EYS: variants seen among roughly 807,000 people sequenced by gnomAD.
EYS encodes the protein EGF-like photoreceptor maintenance factor, also known as protein eyes shut homolog.
A neutral mutation model predicts 282.1 loss-of-function variants in EYS; 250 were observed. That is an observed-to-expected ratio of 0.89 (90% CI 0.80 to 0.98). EYS has a LOEUF of 0.98. Among genes scored for constraint, EYS ranks in the 50% least tolerant of loss-of-function variants. EYS has a pLI of 0.00. For synonymous variants in EYS, 1,355 were observed against 1,282.9 expected, an observed-to-expected ratio of 1.06 and a Z score of -1.20; for missense variants, 4,016 against 3,709.0, an observed-to-expected ratio of 1.08 and a Z score of -2.15.
At chr6:64,356,363 C>G (rs900209173) in intron 29 of EYS, among the ~76,000 whole-genome samples, 9 of 151,482 alleles carry the variant, frequency 5.9e-5, no homozygotes, top group African/African-American at 1.9e-4. Flanking sequence ...GCTATTTACT[C>G]TAGTAATTTA....
rs192570534 is a variant in EYS, at chr6:65,253,015, A to C, written c.2023+42848T>G. 2.3e-3 allele frequency among the ~76,000 whole-genome samples: 349 copies of C among 152,108 alleles called. 3 individuals are homozygous for C. The highest frequency in any genetic ancestry group is 8.1e-3 in the African/African-American group (336 of 41,550). ...CTGTACCAAGAAAAGAGATGAAAGAATGCAGTACTGAAACAAACAAAACAA... is the reference window on the plus strand; with the variant it reads ...CTGTACCAAGAAAAGAGATGAAAGACTGCAGTACTGAAACAAACAAAACAA... On this transcript the variant is annotated intron_variant, in intron 12 of 42. Coordinates refer to ENST00000503581, the MANE Select transcript of EYS (RefSeq NM_001142800.2).
At chr6:65,629,714 G>A (rs921783658) in intron 2 of EYS, among the ~76,000 whole-genome samples, 1 of 152,048 alleles carries the variant, frequency 6.6e-6, no homozygotes, top group African/African-American at 2.4e-5. Context: ...CTGTCTCTTT[G>A]TTTGGCGGCC....
intron 26 of EYS, among the ~76,000 whole-genome samples, chr6:64,571,228 A>T (rs1412147485): frequency 6.6e-6 from 1 of 152,220 alleles, no homozygotes; most frequent in Non-Finnish European, 1.5e-5. Flanking sequence ...GTTATTTGAA[A>T]CCAATGAGAA....
chr6:65,391,652 C>A (rs62407666), intron 7 of EYS, among the ~76,000 whole-genome samples: 1 of 151,724 alleles, frequency 6.6e-6, no homozygotes, highest in Admixed American at 6.6e-5. Context: ...TACAAACCAC[C>A]GCTCAAGGAA....
intron 7 of EYS, among the ~76,000 whole-genome samples, chr6:65,395,675 T>C (rs545364820): frequency 1.1e-3 from 172 of 152,296 alleles, no homozygotes; most frequent in African/African-American, 4.0e-3. Flanking sequence ...TAAATACTGT[T>C]TGTACATATT....
chr6:64,518,786 C>CT (rs1554169758), intron 26 of EYS, among the ~76,000 whole-genome samples: 1 of 150,520 alleles, frequency 6.6e-6, no homozygotes, highest in African/African-American at 2.4e-5. Flanking sequence ...AGGGGCCCCC[C>CT]CCTTCTCAGG....
chr6:64,111,487 T>A (rs1773202647), intron 31 of EYS, among the ~76,000 whole-genome samples: 1 of 152,034 alleles, frequency 6.6e-6, no homozygotes, highest in Admixed American at 6.6e-5. Flanking sequence ...AAAGTTGCCA[T>A]CTGAGGGCAA....
intron 11 of EYS, among the ~76,000 whole-genome samples, chr6:65,320,413 C>T (rs527285644): frequency 1.1e-4 from 16 of 152,248 alleles, no homozygotes; most frequent in Non-Finnish European, 1.9e-4. Flanking sequence ...GGAATCCAGA[C>T]GGATAATGGA....
intron 22 of EYS, among the ~76,000 whole-genome samples, chr6:64,796,188 C>A (rs186437069): frequency 2.0e-5 from 3 of 152,258 alleles, no homozygotes; most frequent in Admixed American, 1.3e-4. Context: ...TTCATGTTTG[C>A]CCAATCATAG....
intron 12 of EYS, among the ~76,000 whole-genome samples, chr6:65,208,805 GA>G (rs1178427856): frequency 7.1e-6 from 1 of 140,912 alleles, no homozygotes; most frequent in Non-Finnish European, 1.6e-5. Context: ...GATATGGTTG[GA>G]GGGGATTGAT....
intron 8 of EYS, among the ~76,000 whole-genome samples, chr6:65,357,829 A>T (rs948895361): frequency 6.6e-6 from 1 of 151,998 alleles, no homozygotes; most frequent in Admixed American, 6.6e-5. Context: ...TGAAATGGCG[A>T]CTAATGTAAT....
intron 13 of EYS, among the ~76,000 whole-genome samples, chr6:65,040,691 G>C (rs1369127107): frequency 6.6e-6 from 1 of 151,536 alleles, no homozygotes; most frequent in Non-Finnish European, 1.5e-5. Flanking sequence ...ATGTCTCCTG[G>C]AAAGGCAAAG....
intron 22 of EYS, among the ~76,000 whole-genome samples, chr6:64,666,437 T>C (rs1477484803): frequency 2.6e-5 from 4 of 152,208 alleles, no homozygotes; most frequent in Non-Finnish European, 5.9e-5. Flanking sequence ...ATGCAATAAA[T>C]CAATCTCTCC....
intron 2 of EYS, among the ~76,000 whole-genome samples, chr6:65,625,441 AC>A (rs1766657202): frequency 6.6e-6 from 1 of 152,230 alleles, no homozygotes; most frequent in Non-Finnish European, 1.5e-5. Context: ...TCAGATAATT[AC>A]AAATTTATCC....
chr6:64,898,293 C>T (rs539692924), intron 18 of EYS, among the ~76,000 whole-genome samples: 72 of 152,194 alleles, frequency 4.7e-4, no homozygotes, highest in African/African-American at 1.7e-3. Context: ...CAGTGTGGAC[C>T]AATATTCACA....
chr6:64,000,337 G>A (rs955019072), intron 33 of EYS, among the ~76,000 whole-genome samples: 8 of 150,368 alleles, frequency 5.3e-5, no homozygotes, highest in Non-Finnish European at 8.9e-5. Flanking sequence ...GACTACAGGC[G>A]CCCGCCACCA....
rs144530531 is a variant in EYS, at chr6:64,660,062, G to C, written c.3444-33817C>G. 3.8e-3 allele frequency among the ~76,000 whole-genome samples: 573 copies of C among 152,178 alleles called. 4 individuals are homozygous for C. Among genetic ancestry groups the C allele is most frequent in the African/African-American group, 0.013 (525 of 41,502 alleles). On this transcript the variant is annotated intron_variant, in intron 22 of 42. Coordinates refer to ENST00000503581, the MANE Select transcript of EYS (RefSeq NM_001142800.2). Reference sequence around the variant, plus strand: ...TATGATCAAGCAGGCTTCATCCCTGGGATGCAAGGCTGGTTCAACATACAC... The same window carrying C: ...TATGATCAAGCAGGCTTCATCCCTGCGATGCAAGGCTGGTTCAACATACAC...
At chr6:65,469,063 T>A (rs1765109992) in intron 5 of EYS, among the ~76,000 whole-genome samples, 1 of 152,118 alleles carries the variant, frequency 6.6e-6, no homozygotes, top group Admixed American at 6.6e-5. Flanking sequence ...TATCGTACAC[T>A]CTTAAATTTG....
chr6:64,304,225 G>T (rs139551019), intron 30 of EYS, among the ~76,000 whole-genome samples: 2 of 152,266 alleles, frequency 1.3e-5, no homozygotes, highest in African/African-American at 4.8e-5. Flanking sequence ...CTGTCACTGG[G>T]TCAGCTTCTG....
Sources: allele counts gnomAD v4.1 joint callset (sites outside exome capture counted in the v4.1 genomes callset), GRCh38; gene constraint gnomAD v4.1.1; transcripts MANE v1.5; gene names NCBI Gene and HGNC (gene_info 2026-07-23, HGNC 2026-07-21).